Variants in CEP128 observed in about 807,000 individuals in gnomAD.
The protein encoded by CEP128 is centrosomal protein 128, also known as centrosomal protein 128kDa.
In CEP128, 132 loss-of-function variants were observed where a neutral mutation model predicts 156.7. That is an observed-to-expected ratio of 0.84 (90% confidence interval 0.73 to 0.97). The LOEUF is 0.97. Ranked by LOEUF, CEP128 falls within the 50% of genes least tolerant of loss-of-function variation. The pLI is 0.00. For missense variants in CEP128, 1,252 were observed against 1,281.9 expected, an observed-to-expected ratio of 0.98 and a Z score of 0.36; for synonymous variants, 469 against 448.9, an observed-to-expected ratio of 1.04 and a Z score of -0.57.
At chr14:80,955,839 T>C in intron 2 of CEP128, 1 of 1,614,150 alleles carries the variant, frequency 6.2e-7, no homozygotes, top group South Asian at 1.1e-5. Flanking sequence ...TACCGCCCAG[T>C]ACGCAGACTC....
chr14:80,647,668 G>C (rs1040532510), intron 19 of CEP128, among the ~76,000 whole-genome samples: 1 of 152,080 alleles, frequency 6.6e-6, no homozygotes, highest in Non-Finnish European at 1.5e-5. Flanking sequence ...ACTGGGGAGG[G>C]GAGGTCGTCT....
At chr14:80,912,487 T>C (rs1884297781) in intron 4 of CEP128, among the ~76,000 whole-genome samples, 1 of 152,154 alleles carries the variant, frequency 6.6e-6, no homozygotes. Context: ...TAATAATGTT[T>C]TCAATTTTTC....
At chr14:80,729,127 G>GTGTGTGTGTGT (rs1222842349) in intron 19 of CEP128, among the ~76,000 whole-genome samples, 8 of 115,034 alleles carry the variant, frequency 7.0e-5, no homozygotes, top group African/African-American at 2.4e-4. Context: ...GTGTGTGTGT[G>GTGTGTGTGTGT]TTTACCCAGT....
At chr14:80,781,635 G>C (rs1043227582) in intron 15 of CEP128, among the ~76,000 whole-genome samples, 1 of 151,998 alleles carries the variant, frequency 6.6e-6, no homozygotes, top group East Asian at 1.9e-4. Context: ...AGTATCCGGG[G>C]GGCTAAAGGA....
intron 19 of CEP128, among the ~76,000 whole-genome samples, chr14:80,654,520 A>C (rs1895046348): frequency 6.6e-6 from 1 of 152,148 alleles, no homozygotes; most frequent in African/African-American, 2.4e-5. Flanking sequence ...AAATTTTCTC[A>C]TCAATCTTGA....
intron 8 of CEP128, among the ~76,000 whole-genome samples, chr14:80,889,657 C>T (rs965880559): frequency 2.0e-5 from 3 of 152,032 alleles, no homozygotes; most frequent in African/African-American, 7.3e-5. Context: ...AACATAAATC[C>T]TAAAATCAAA....
At chr14:80,876,185 AAC>A (rs940206324) in intron 8 of CEP128, among the ~76,000 whole-genome samples, 8 of 151,432 alleles carry the variant, frequency 5.3e-5, no homozygotes, top group African/African-American at 1.9e-4. Flanking sequence ...AACAAGTCAA[AAC>A]ACACACACAC....
At chr14:80,705,450 T>G (rs891910935) in intron 19 of CEP128, among the ~76,000 whole-genome samples, 2 of 152,126 alleles carry the variant, frequency 1.3e-5, no homozygotes, top group African/African-American at 4.8e-5. Flanking sequence ...TGAGAGAGAA[T>G]TAGTCAGACT....
At chr14:80,666,552 T>C (rs1234467843) in intron 19 of CEP128, among the ~76,000 whole-genome samples, 1 of 152,100 alleles carries the variant, frequency 6.6e-6, no homozygotes, top group East Asian at 1.9e-4. Flanking sequence ...AATCCAAAAA[T>C]GATGAGTCAA....
At chr14:80,758,872 T>G (rs1899812927) in intron 17 of CEP128, among the ~76,000 whole-genome samples, 1 of 152,230 alleles carries the variant, frequency 6.6e-6, no homozygotes, top group Non-Finnish European at 1.5e-5. Context: ...ACATGAACTC[T>G]TAGAGAAGAA....
chr14:80,825,465 G>A (rs80071127), intron 13 of CEP128, among the ~76,000 whole-genome samples: 6,090 of 152,166 alleles, frequency 0.04, 172 homozygotes, highest in Admixed American at 0.07. Context: ...TTCAGAAAAC[G>A]AAGAAACTTG....
chr14:80,638,107 A>G (rs2140770732), intron 19 of CEP128, among the ~76,000 whole-genome samples: 1 of 152,256 alleles, frequency 6.6e-6, no homozygotes, highest in East Asian at 1.9e-4. Context: ...AACTAAACGA[A>G]TACACTCTCC....
chr14:80,568,873 T>G (rs1355283703), intron 20 of CEP128, among the ~76,000 whole-genome samples: 1 of 152,198 alleles, frequency 6.6e-6, no homozygotes, highest in African/African-American at 2.4e-5. Flanking sequence ...TGACTTATCC[T>G]ATATGCACTA....
chr14:80,633,226 T>TATAA, intron 19 of CEP128, among the ~76,000 whole-genome samples: 3 of 97,498 alleles, frequency 3.1e-5, no homozygotes, highest in Middle Eastern at 0.011. Context: ...AGACCCTGCC[T>TATAA]AGAAACAAAC....
chr14:80,548,282 C>T (rs1346677457), intron 21 of CEP128, among the ~76,000 whole-genome samples: 1 of 152,074 alleles, frequency 6.6e-6, no homozygotes, highest in African/African-American at 2.4e-5. Context: ...TATCACTTTC[C>T]ATCATTTAAA....
At chr14:80,540,207 C>CCCT (rs34207432) in intron 21 of CEP128, among the ~76,000 whole-genome samples, 3 of 144,054 alleles carry the variant, frequency 2.1e-5, no homozygotes, top group South Asian at 2.3e-4. Flanking sequence ...ACCCCCCCCC[C>CCCT]TTTTGAAACC....
chr14:80,792,081 T>A (rs1901736743), intron 14 of CEP128, among the ~76,000 whole-genome samples: 1 of 152,238 alleles, frequency 6.6e-6, no homozygotes, highest in African/African-American at 2.4e-5. Context: ...CCCAAAGATA[T>A]ATCAGATGAG....
At chr14:80,505,256 C>A (rs189113866) in intron 23 of CEP128, among the ~76,000 whole-genome samples, 2 of 152,212 alleles carry the variant, frequency 1.3e-5, no homozygotes, top group Admixed American at 1.3e-4. Context: ...AGTCTTTTTC[C>A]CCCATGAATA....
At chr14:80,867,722 A>G (rs753608359) in intron 8 of CEP128, among the ~76,000 whole-genome samples, 6 of 152,154 alleles carry the variant, frequency 3.9e-5, no homozygotes, top group Non-Finnish European at 5.9e-5. Context: ...ATGAGATACT[A>G]TCAAGTAAAG....
Sources: gnomAD v4.1 joint callset for allele counts (sites outside exome capture counted in the v4.1 genomes callset) on GRCh38, gnomAD v4.1.1 for gene constraint, MANE v1.5 for transcripts, NCBI Gene and HGNC (gene_info 2026-07-23, HGNC 2026-07-21) for gene names.